DIP2C: variants seen among roughly 807,000 people sequenced by gnomAD.
DIP2C encodes DIP2 acetate--CoA ligase C (putative).
DIP2C carries 33 observed loss-of-function variants against 192.4 expected under a neutral mutation model. The ratio of observed to expected loss-of-function variants is 0.17; its 90% CI spans 0.13 to 0.23. The LOEUF (loss-of-function observed/expected upper bound fraction) is 0.23, where lower values mean the gene tolerates loss of function less well. Among genes scored for constraint, DIP2C ranks in the 10% least tolerant of loss-of-function variants. The pLI, the probability that DIP2C is intolerant of heterozygous loss-of-function variation, is 1.00. For synonymous variants in DIP2C, 979 were observed against 864.1 expected (o/e 1.13, Z -2.33); for missense variants, 1,537 against 2,110.1 (o/e 0.73, Z 5.32).
At chr10:628,775 G>A (rs1854341572) in intron 1 of DIP2C, 2 of 152,402 alleles carry the variant, frequency 1.3e-5, no homozygotes, top group Admixed American at 1.3e-4. Flanking sequence ...CGGGGAACCG[G>A]AAGCCACAGG....
intron 1 of DIP2C, among the ~76,000 whole-genome samples, chr10:654,957 C>A (rs1040341108): frequency 2.0e-5 from 3 of 152,158 alleles, no homozygotes; most frequent in Non-Finnish European, 2.9e-5. Flanking sequence ...TTCTTCTATA[C>A]TGAAAGGAGT....
At chr10:581,891 T>C (rs564668357) in intron 1 of DIP2C, among the ~76,000 whole-genome samples, 21 of 152,282 alleles carry the variant, frequency 1.4e-4, no homozygotes, top group Admixed American at 1.2e-3. Flanking sequence ...CCCAGCCTTT[T>C]TGGCACCAGC....
intron 1 of DIP2C, among the ~76,000 whole-genome samples, chr10:567,523 C>G (rs946018856): frequency 6.6e-6 from 1 of 152,184 alleles, no homozygotes; most frequent in African/African-American, 2.4e-5. Flanking sequence ...AGATAATTAA[C>G]TGGGCTGTTG....
intron 10 of DIP2C, among the ~76,000 whole-genome samples, chr10:397,056 A>G (rs570600458): frequency 3.8e-4 from 58 of 152,290 alleles, no homozygotes; most frequent in African/African-American, 1.3e-3. Flanking sequence ...AAATGCAACC[A>G]TGTAACTGGC....
At chr10:407,934 C>G (rs1328267686) in intron 9 of DIP2C, among the ~76,000 whole-genome samples, 1 of 152,046 alleles carries the variant, frequency 6.6e-6, no homozygotes, top group East Asian at 1.9e-4. Context: ...TGTAAATGTC[C>G]AATTTATTTA....
chr10:289,260 C>A (rs959780004), intron 32 of DIP2C, among the ~76,000 whole-genome samples: 1 of 109,474 alleles, frequency 9.1e-6, no homozygotes, highest in Non-Finnish European at 1.9e-5. Context: ...TTCCTACCAT[C>A]CCCCAGTGAT....
At chr10:340,759 C>T in intron 29 of DIP2C, 1 of 457,752 alleles carries the variant, frequency 2.2e-6, no homozygotes, top group Non-Finnish European at 4.4e-6. Context: ...CCAGGGAACG[C>T]TCAGCCCTCG....
At chr10:438,212 G>C (rs900581843) in intron 4 of DIP2C, among the ~76,000 whole-genome samples, 8 of 152,266 alleles carry the variant, frequency 5.3e-5, no homozygotes, top group African/African-American at 1.7e-4. Context: ...ACATGACCCA[G>C]TAACATCTCT....
chr10:499,414 G>C (rs777613345), intron 1 of DIP2C, among the ~76,000 whole-genome samples: 6 of 152,262 alleles, frequency 3.9e-5, no homozygotes, highest in Non-Finnish European at 5.9e-5. Flanking sequence ...AAGGAAAGCA[G>C]TTTGATTGAC....
intron 1 of DIP2C, among the ~76,000 whole-genome samples, chr10:586,385 C>A (rs371245361): frequency 1.7e-3 from 265 of 152,248 alleles, no homozygotes; most frequent in African/African-American, 4.7e-3. Flanking sequence ...CCACCACAAG[C>A]GGCCTTGCTA....
intron 29 of DIP2C, among the ~76,000 whole-genome samples, chr10:336,632 C>G (rs899950634): frequency 1.3e-5 from 2 of 152,198 alleles, no homozygotes; most frequent in African/African-American, 4.8e-5. Context: ...TTACAGCATC[C>G]TCCTACTTAT....
At chr10:394,353 C>A (rs1963771429) in intron 10 of DIP2C, among the ~76,000 whole-genome samples, 1 of 148,038 alleles carries the variant, frequency 6.8e-6, no homozygotes, top group Non-Finnish European at 1.5e-5. Context: ...CATTATGGCA[C>A]ACAGTGGGTG....
intron 3 of DIP2C, among the ~76,000 whole-genome samples, chr10:464,470 G>A (rs1970049475): frequency 6.6e-6 from 1 of 152,144 alleles, no homozygotes; most frequent in Non-Finnish European, 1.5e-5. Context: ...AGTTAGAATG[G>A]TTATCATTAA....
At chr10:290,596 G>A (rs1357026770) in intron 32 of DIP2C, among the ~76,000 whole-genome samples, 1 of 152,250 alleles carries the variant, frequency 6.6e-6, no homozygotes, top group Non-Finnish European at 1.5e-5. Context: ...GCCAAGTGGA[G>A]TCAAAAGCCA....
chr10:388,619 T>C (rs1367367224), intron 13 of DIP2C, among the ~76,000 whole-genome samples: 1 of 152,204 alleles, frequency 6.6e-6, no homozygotes, highest in Non-Finnish European at 1.5e-5. Context: ...ACCCTGGACC[T>C]TGGAGGCGCA....
At chr10:602,140 C>T (rs1346702635) in intron 1 of DIP2C, among the ~76,000 whole-genome samples, 1 of 152,098 alleles carries the variant, frequency 6.6e-6, no homozygotes, top group Non-Finnish European at 1.5e-5. Flanking sequence ...ACTCAGGCAA[C>T]GTTCAGTATT....
intron 3 of DIP2C, among the ~76,000 whole-genome samples, chr10:466,339 T>G (rs1970198321): frequency 7.1e-6 from 1 of 140,028 alleles, no homozygotes; most frequent in Non-Finnish European, 1.6e-5. Context: ...TAGCCATATG[T>G]AGAAAGCTGA....
rs1854244336 is a variant in DIP2C at position 626,987 on chromosome 10, T to C, written c.85+62507A>G. ...CTCCTAACGCAGTATCAGTGCCTTGTGCCTTTTAGGAAAACCTCCTTCCCT... is the reference window on the plus strand; with the variant it reads ...CTCCTAACGCAGTATCAGTGCCTTGCGCCTTTTAGGAAAACCTCCTTCCCT... On this transcript the variant is annotated intron_variant, in intron 1 of 36. Transcript: ENST00000280886. 1.3e-5 allele frequency among the ~76,000 whole-genome samples: 2 copies of C among 152,246 alleles called. 1 individual carries two copies. The highest frequency in any genetic ancestry group is 2.9e-5 in the Non-Finnish European group (2 of 68,042).
At chr10:481,906 A>G (rs145309740) in intron 2 of DIP2C, among the ~76,000 whole-genome samples, 2 of 152,282 alleles carry the variant, frequency 1.3e-5, no homozygotes, top group Admixed American at 1.3e-4. Flanking sequence ...TACCTGCCCA[A>G]TGTCCACTTT....
Sources: allele counts gnomAD v4.1 joint callset (sites outside exome capture counted in the v4.1 genomes callset), GRCh38; gene constraint gnomAD v4.1.1; transcripts MANE v1.5; gene names NCBI Gene and HGNC (gene_info 2026-07-23, HGNC 2026-07-21).